Variants in PANK4 observed in about 807,000 individuals in gnomAD.
PANK4 encodes the protein 4'-phosphopantetheine phosphatase.
A neutral mutation model predicts 87.9 loss-of-function variants in PANK4; 40 were observed. The ratio of observed to expected loss-of-function variants is 0.46; its 90% CI spans 0.35 to 0.59. PANK4 has a LOEUF of 0.59. Among genes scored for constraint, PANK4 ranks in the 20% least tolerant of loss-of-function variants. The pLI is 0.00. For synonymous variants in PANK4, 524 were observed against 467.4 expected, an observed-to-expected ratio of 1.12 and a Z score of -1.56; for missense variants, 926 against 1,072.3, an observed-to-expected ratio of 0.86 and a Z score of 1.90.
intron 9 of PANK4, among the ~76,000 whole-genome samples, chr1:2,517,442 G>GCGT (rs1267734819): frequency 1.3e-5 from 2 of 152,254 alleles, no homozygotes; most frequent in African/African-American, 2.4e-5. Flanking sequence ...CTAGCTTTGT[G>GCGT]CGTGACCTCA....
At position 2,520,929 on chromosome 1, in the gene PANK4, T is replaced by C; in HGVS notation, c.423-23A>G. The C allele has an allele frequency of 1.3e-6, 2 of 1,541,940 alleles. No individual in the cohort carries two copies. Among genetic ancestry groups the C allele is most frequent in the South Asian group, 2.5e-5 (2 of 78,486 alleles). On this transcript the variant is annotated intron_variant, in intron 3 of 18. Coordinates refer to ENST00000378466, the MANE Select transcript of PANK4 (RefSeq NM_018216.4). This position sits in a 1 kb window ranked among gnomAD's most constrained non-coding sequence, Gnocchi z 6.2. ...ACTCTGAAAAGGAAGCGCCAACCCC[T>C]TAAAGAGTCTGGGCCACAGACAGGT...
Position 2,515,253 on chromosome 1 carries a change from C to A in PANK4, c.1374+309G>T, listed in dbSNP as rs1643746736. 3.6e-6 allele frequency: 2 copies of A among 556,772 alleles called. No homozygotes were observed. Among genetic ancestry groups the A allele is most frequent in the South Asian group, 3.1e-5 (2 of 64,978 alleles). 34.5% of individuals were successfully genotyped at this position (556,772 alleles called of 1,614,324 possible). A position where few individuals can be genotyped will look rare whatever the true frequency, so the allele number is the denominator to read the frequency against. ...CCCACAATGCCTCCCGCACCTCAGT[C>A]ACACCTCAAAAGAGCAGAGACGTCT... On this transcript the variant is annotated intron_variant, in intron 10 of 18. Coordinates refer to ENST00000378466, the MANE Select transcript of PANK4 (RefSeq NM_018216.4). This position sits in a 1 kb window ranked among gnomAD's most constrained non-coding sequence, Gnocchi z 5.0.
rs1419612975 is a variant in PANK4 at position 2,511,359 on chromosome 1, G to A, written c.1812C>T (p.Ser604=). The change falls in exon 15 of 19, where the codon AGC becomes AGT. Residue 604 remains serine, a synonymous_variant. Coordinates refer to ENST00000378466, the MANE Select transcript of PANK4 (RefSeq NM_018216.4). Reference sequence around the variant, plus strand: ...ATACCTTTAATCTCTGAAGCCACTCGCTGTAGGAATCCACGAGCCAGGGTC... The same window carrying A: ...ATACCTTTAATCTCTGAAGCCACTCACTGTAGGAATCCACGAGCCAGGGTC... ...QERPWLVDSY[S]EWLQRLKGPP... 7 of 1,610,566 alleles carry A rather than the reference G, an allele frequency of 4.3e-6. No individual in the cohort carries two copies. Among genetic ancestry groups the A allele is most frequent in the African/African-American group, 1.3e-5 (1 of 74,842 alleles).
Position 2,520,968 on chromosome 1 carries a change from C to G in PANK4, c.423-62G>C. 1.3e-6 allele frequency: 2 copies of G among 1,532,362 alleles called. No individual in the cohort carries two copies. Among genetic ancestry groups the G allele is most frequent in the Non-Finnish European group, 1.8e-6 (2 of 1,131,988 alleles). The allele number at this position is 1,532,362 out of a possible 1,614,324, so 94.9% of individuals were successfully genotyped here. ...CCACAGACAGGTGCAACCATGCAAGCCTGCCTGGTCCGAAGGGGCAGCCAT... is the reference window on the plus strand; with the variant it reads ...CCACAGACAGGTGCAACCATGCAAGGCTGCCTGGTCCGAAGGGGCAGCCAT... On this transcript the variant is annotated intron_variant, in intron 3 of 18. Coordinates refer to ENST00000378466, the MANE Select transcript of PANK4 (RefSeq NM_018216.4). This position sits in a 1 kb window ranked among gnomAD's most constrained non-coding sequence, Gnocchi z 6.2.
In PANK4 at chr1:2,519,742, G is replaced by T; in HGVS notation, c.853+59C>A. 1 of 1,472,246 alleles carries T rather than the reference G, an allele frequency of 6.8e-7. No individual in the cohort carries two copies. The highest frequency in any genetic ancestry group is 9.1e-7 in the Non-Finnish European group (1 of 1,102,528). The allele number at this position is 1,472,246 out of a possible 1,614,324, so 91.2% of individuals were successfully genotyped here. On this transcript the variant is annotated intron_variant, in intron 6 of 18. Transcript: ENST00000378466. The surrounding 1 kb of genome is among the most constrained non-coding windows in gnomAD (Gnocchi z 8.3). ...GCAATGGTGGGGGAAGCTCCTGTCC[G>T]TGAGACCCCAAGTGTCCCCACCATC... is the stretch of plus-strand genomic sequence containing the variant.
chr1:2,511,971 C>T (rs957697289), intron 13 of PANK4, among the ~76,000 whole-genome samples: 2 of 152,274 alleles, frequency 1.3e-5, no homozygotes, highest in East Asian at 1.9e-4. Flanking sequence ...AGAACAGATA[C>T]AGCGTTCTTA....
Position 2,509,040 on chromosome 1 carries a change from G to A in PANK4, c.2129C>T (p.Ala710Val). Residue 710 changes from alanine (A) to valine (V), a missense_variant, in exon 19 of 19, where the codon GCC (alanine) becomes GTC (valine). Coordinates refer to ENST00000378466, the MANE Select transcript of PANK4 (RefSeq NM_018216.4). The surrounding 1 kb of genome is among the most constrained non-coding windows in gnomAD (Gnocchi z 4.9). Reference protein sequence around the residue: ...LDLSRLDKGLAALVRERGADL... With the variant: ...LDLSRLDKGLVALVRERGADL... ...CGCGCCACGCTCCCGCACCAGTGCG[G>A]CCAGCCCCTTATCCAGGCGGCTTTG... 6.2e-7 allele frequency: 1 copy of A among 1,600,108 alleles called. No homozygotes were observed. Among genetic ancestry groups the A allele is most frequent in the Non-Finnish European group, 8.5e-7 (1 of 1,179,030 alleles).
chr1:2,518,407 A>C, intron 8 of PANK4, 109 bp downstream of exon 8: 1 of 1,027,570 alleles, frequency 9.7e-7, no homozygotes. Flanking sequence ...CTTTCTGAGG[A>C]CTCACGCTCC....
At position 2,508,803 on chromosome 1, in the gene PANK4, T is replaced by C; in HGVS notation, c.*44A>G. ...GTTTCCCTGTGGTGGTAAAAACACA[T>C]TCCTGACAAGTGACAAGCAGAAGAG... On this transcript the variant is annotated 3_prime_UTR_variant, in exon 19 of 19. Transcript: ENST00000378466. This position sits in a 1 kb window ranked among gnomAD's most constrained non-coding sequence, Gnocchi z 5.1. 1 of 1,213,060 alleles carries C rather than the reference T, an allele frequency of 8.2e-7. No homozygotes were observed. The highest frequency in any genetic ancestry group is 1.2e-6 in the Non-Finnish European group (1 of 835,284). 75.1% of individuals were successfully genotyped at this position (1,213,060 alleles called of 1,614,324 possible). A position where few individuals can be genotyped will look rare whatever the true frequency, so the allele number is the denominator to read the frequency against.
chr1:2,511,269 C>T, intron 15 of PANK4, 69 bp downstream of exon 15: 1 of 1,106,046 alleles, frequency 9.0e-7, no homozygotes, highest in Non-Finnish European at 1.4e-6. Flanking sequence ...TGCCCACCTC[C>T]CTCCAGTGAC....
rs143812980 is a variant in PANK4 at position 2,526,573 on chromosome 1, T to G, written c.15A>C (p.Gly5=). The G allele has an allele frequency of 1.1e-5, 17 of 1,601,498 alleles. No individual in the cohort carries two copies. Among genetic ancestry groups the G allele is most frequent in the African/African-American group, 6.8e-5 (5 of 73,896 alleles). Residue 5 remains glycine, a synonymous_variant, in exon 1 of 19, where the codon GGA becomes GGC. Coordinates refer to ENST00000378466, the MANE Select transcript of PANK4 (RefSeq NM_018216.4). ...CCCCGCTGCTCCCGCTGCCGCTCGC[T>G]CCACACTCCGCCATTTTGAAAGTGC... MAEC[G]ASGSGSSGDS... is the part of the protein sequence containing the mutation.
At chr1:2,511,075 G>A (rs1643652574) in intron 15 of PANK4, among the ~76,000 whole-genome samples, 2 of 152,236 alleles carry the variant, frequency 1.3e-5, no homozygotes, top group Admixed American at 6.5e-5. Flanking sequence ...CCCCAGAGGC[G>A]CCAGGGACGG....
In PANK4 at chr1:2,510,375, T is replaced by A; in HGVS notation, c.1939-218A>T. On this transcript the variant is annotated intron_variant, in intron 16 of 18. Transcript: ENST00000378466. This position sits in a 1 kb window ranked among gnomAD's most constrained non-coding sequence, Gnocchi z 4.9. ...GAGGGGCAGAGCTGAGTTTAGAGCCTGCCCCTGGGACCTGCCTGTCTGTGA... is the reference window on the plus strand; with the variant it reads ...GAGGGGCAGAGCTGAGTTTAGAGCCAGCCCCTGGGACCTGCCTGTCTGTGA... The A allele has an allele frequency of 1.7e-6, 1 of 590,566 alleles. No homozygotes were observed. Among genetic ancestry groups the A allele is most frequent in the Non-Finnish European group, 3.0e-6 (1 of 336,002 alleles). The allele number at this position is 590,566 out of a possible 1,614,324, so 36.6% of individuals were successfully genotyped here.
At chr1:2,525,848 C>T (rs1401656633) in intron 1 of PANK4, 1 of 152,344 alleles carries the variant, frequency 6.6e-6, no homozygotes, top group Admixed American at 6.5e-5. Context: ...AAACCAGAGG[C>T]ACGAGTTCCC....
chr1:2,510,529 C>A lies in PANK4; in HGVS notation c.1938+149G>T. ...GAGCCTCCACCCCAGCAGATGACGG[C>A]TCTGGGCCGCCTCCCCCGTGCTGCT... On this transcript the variant is annotated intron_variant, in intron 16 of 18. Coordinates refer to ENST00000378466, the MANE Select transcript of PANK4 (RefSeq NM_018216.4). The surrounding 1 kb of genome is among the most constrained non-coding windows in gnomAD (Gnocchi z 4.9). The A allele has an allele frequency of 1.5e-6, 1 of 656,260 alleles. No individual in the cohort carries two copies. The highest frequency in any genetic ancestry group is 2.5e-5 in the East Asian group (1 of 39,422). The allele number at this position is 656,260 out of a possible 1,614,324, so 40.7% of individuals were successfully genotyped here. A position where few individuals can be genotyped will look rare whatever the true frequency, so the allele number is the denominator to read the frequency against.
chr1:2,516,440 G>A (rs1409589127), intron 9 of PANK4, among the ~76,000 whole-genome samples: 4 of 152,162 alleles, frequency 2.6e-5, no homozygotes, highest in African/African-American at 7.2e-5. Flanking sequence ...GAACTGAGCC[G>A]ACGCACACAT....
chr1:2,508,602 ATCTC>A lies in PANK4; in HGVS notation c.*241_*244del, dbSNP rs932578543. On this transcript the variant is annotated 3_prime_UTR_variant, in exon 19 of 19. Coordinates refer to ENST00000378466, the MANE Select transcript of PANK4 (RefSeq NM_018216.4). The surrounding 1 kb of genome is among the most constrained non-coding windows in gnomAD (Gnocchi z 5.1). ...CGTCCCGTCAGACATACCTGTATAGATCTCTCTATTTATATATATATATATATAA... is the reference window on the plus strand; with the variant it reads ...CGTCCCGTCAGACATACCTGTATAGATCTATTTATATATATATATATATAA... 1.4e-5 allele frequency: 3 copies of A among 218,138 alleles called. No homozygotes were observed. Among genetic ancestry groups the A allele is most frequent in the East Asian group, 9.9e-5 (1 of 10,108 alleles). 13.5% of individuals were successfully genotyped at this position (218,138 alleles called of 1,614,324 possible).
chr1:2,525,880 C>G (rs1643917752), intron 1 of PANK4: 1 of 152,292 alleles, frequency 6.6e-6, no homozygotes, highest in African/African-American at 2.4e-5. Flanking sequence ...CCACGGCCGC[C>G]TGAACTCACG....
chr1:2,524,530 A>C (rs181114595), intron 1 of PANK4, among the ~76,000 whole-genome samples: 1 of 152,286 alleles, frequency 6.6e-6, no homozygotes, highest in African/African-American at 2.4e-5. Context: ...TACCAGCACT[A>C]AACAGACCTC....
Sources: allele counts gnomAD v4.1 joint callset (sites outside exome capture counted in the v4.1 genomes callset), GRCh38; gene constraint gnomAD v4.1.1; non-coding constraint Gnocchi (gnomAD v3.1); transcripts MANE v1.5; gene names NCBI Gene and HGNC (gene_info 2026-07-23, HGNC 2026-07-21).